The following STK32A variants were observed in gnomAD, a reference collection of about 807,000 sequenced individuals.
The protein encoded by STK32A is serine/threonine kinase 32A, also known as serine/threonine-protein kinase 32A.
In STK32A, 41 loss-of-function variants were observed where a neutral mutation model predicts 53.2. The observed-to-expected ratio is 0.77, with a 90% CI of 0.60 to 1.00. The LOEUF is 1.00. STK32A is among the 50% of genes least tolerant of loss of function. The pLI is 0.00. For synonymous variants in STK32A, 166 were observed against 162.8 expected (o/e 1.02, Z -0.15); for missense variants, 458 against 485.8 (o/e 0.94, Z 0.54).
At chr5:147,399,276 T>C in the STK32A span, 6 of 1,609,880 alleles carry the variant, frequency 3.7e-6, no homozygotes, top group East Asian at 4.5e-5. Flanking sequence ...AGAAATTATA[T>C]CTATATCTAT....
intron 11 of STK32A, among the ~76,000 whole-genome samples, chr5:147,376,443 TG>T (rs1319826676): frequency 1.3e-5 from 2 of 152,168 alleles, no homozygotes; most frequent in African/African-American, 4.8e-5. Flanking sequence ...TGGCTCAAGG[TG>T]GATACAGGCC....
chr5:147,307,288 T>C (rs757373237), intron 4 of STK32A, among the ~76,000 whole-genome samples: 6 of 152,042 alleles, frequency 3.9e-5, no homozygotes, highest in Non-Finnish European at 8.8e-5. Context: ...TTTATCAATC[T>C]TTTTCTTTAT....
intron 4 of STK32A, among the ~76,000 whole-genome samples, chr5:147,303,272 A>G (rs1753230159): frequency 6.6e-6 from 1 of 152,188 alleles, no homozygotes; most frequent in Admixed American, 6.5e-5. Flanking sequence ...ATGATTCTGT[A>G]GATTGGCCAG....
chr5:147,335,707 A>G (rs1271319213), intron 5 of STK32A, among the ~76,000 whole-genome samples: 6 of 152,180 alleles, frequency 3.9e-5, no homozygotes, highest in Non-Finnish European at 7.3e-5. Flanking sequence ...GATAACTCCT[A>G]CTTAGGCCTG....
At chr5:147,263,230 G>A (rs1368595985) in intron 2 of STK32A, among the ~76,000 whole-genome samples, 3 of 152,152 alleles carry the variant, frequency 2.0e-5, no homozygotes, top group Non-Finnish European at 4.4e-5. Flanking sequence ...TGGAGATTTT[G>A]ACCAATCCAA....
intron 4 of STK32A, among the ~76,000 whole-genome samples, chr5:147,280,972 C>T (rs761132288): frequency 9.9e-5 from 15 of 152,156 alleles, no homozygotes; most frequent in East Asian, 5.8e-4. Flanking sequence ...TCTGTGCAGA[C>T]GACTTCCAGT....
chr5:147,279,245 A>C lies in STK32A; in HGVS notation c.109-2A>C. The C allele has an allele frequency of 1.9e-6, 3 of 1,606,114 alleles. No homozygotes were observed. Among genetic ancestry groups the C allele is most frequent in the Non-Finnish European group, 2.6e-6 (3 of 1,174,654 alleles). On this transcript the variant is annotated splice_acceptor_variant, in intron 3 of 12. Transcript: ENST00000397936. LOFTEE classifies it high-confidence loss of function. ...CTCTCTCACTCGGGTTTTCACCATT[A>C]GGTCTGCATTGTACAGAAGAATGAT...
chr5:147,387,279 T>G lies in STK32A; in HGVS notation c.*3296T>G, dbSNP rs926377533. Reference sequence around the variant, plus strand: ...TCTGCTAATGGCTAACCCACTGCCATGGTGGCACTGGTTTTGCCTGAGGTC... The same window carrying G: ...TCTGCTAATGGCTAACCCACTGCCAGGGTGGCACTGGTTTTGCCTGAGGTC... On this transcript the variant is annotated 3_prime_UTR_variant, in exon 13 of 13. Transcript: ENST00000397936. The G allele has an allele frequency of 6.6e-6, 1 of 152,270 alleles. No homozygotes were observed. The highest frequency in any genetic ancestry group is 1.5e-5 in the Non-Finnish European group (1 of 68,060). 9.4% of individuals were successfully genotyped at this position (152,270 alleles called of 1,614,324 possible).
At chr5:147,334,806 A>G (rs1468247609) in intron 5 of STK32A, among the ~76,000 whole-genome samples, 2 of 152,130 alleles carry the variant, frequency 1.3e-5, no homozygotes, top group East Asian at 3.9e-4. Flanking sequence ...ACACTTCCTA[A>G]TTATTCTTTC....
chr5:147,253,287 TG>T (rs1471691147), intron 2 of STK32A, among the ~76,000 whole-genome samples: 2 of 152,152 alleles, frequency 1.3e-5, no homozygotes, highest in African/African-American at 4.8e-5. Context: ...CCTTTGATCC[TG>T]AAAAAAAATT....
chr5:147,277,675 C>T (rs1751829337), intron 2 of STK32A, among the ~76,000 whole-genome samples: 2 of 152,152 alleles, frequency 1.3e-5, no homozygotes, highest in Non-Finnish European at 2.9e-5. Context: ...ATAGGATGCA[C>T]CTGGGAGCAG....
intron 4 of STK32A, among the ~76,000 whole-genome samples, 166 bp downstream of exon 4, chr5:147,279,564 A>G (rs1751950818): frequency 1.3e-5 from 2 of 152,188 alleles, no homozygotes; most frequent in South Asian, 4.1e-4. Flanking sequence ...AAGTACAGAG[A>G]TTTATTGCAA....
intron 8 of STK32A, among the ~76,000 whole-genome samples, chr5:147,370,219 G>C (rs1045323990): frequency 1.3e-5 from 2 of 151,978 alleles, no homozygotes; most frequent in Non-Finnish European, 2.9e-5. Context: ...GCAGTGAAAG[G>C]GATGGTATGG....
intron 4 of STK32A, among the ~76,000 whole-genome samples, chr5:147,293,540 G>C (rs1581050762): frequency 1.6e-5 from 1 of 63,758 alleles, no homozygotes; most frequent in Non-Finnish European, 3.7e-5. Flanking sequence ...ATTTTGGAAA[G>C]TTTGTCAAAT....
chr5:147,275,907 AGGTG>A (rs908041398), intron 2 of STK32A, among the ~76,000 whole-genome samples: 1 of 152,172 alleles, frequency 6.6e-6, no homozygotes, highest in African/African-American at 2.4e-5. Flanking sequence ...ATATGAAAGG[AGGTG>A]GTTCACAAAA....
chr5:147,310,110 T>C (rs1399448007), intron 4 of STK32A, among the ~76,000 whole-genome samples: 1 of 152,212 alleles, frequency 6.6e-6, no homozygotes, highest in Non-Finnish European at 1.5e-5. Flanking sequence ...GTATTATTCC[T>C]GCGTTCCTGG....
chr5:147,397,750 C>T, the STK32A span: 1 of 1,614,176 alleles, frequency 6.2e-7, no homozygotes, highest in Non-Finnish European at 8.5e-7. Flanking sequence ...GGGTCACGTG[C>T]AGGTTGCCAT....
downstream of STK32A, among the ~76,000 whole-genome samples, chr5:147,389,217 G>A (rs928553140): frequency 8.5e-5 from 13 of 152,200 alleles, no homozygotes; most frequent in South Asian, 6.2e-4. Flanking sequence ...CTCCCCACCC[G>A]TCCCAACTTC....
intron 5 of STK32A, among the ~76,000 whole-genome samples, chr5:147,332,541 A>T (rs1754922660): frequency 6.6e-6 from 1 of 152,110 alleles, no homozygotes; most frequent in African/African-American, 2.4e-5. Flanking sequence ...CAGTGTATTG[A>T]TAAAAGTTTC....
Sources: gnomAD v4.1 joint callset for allele counts (sites outside exome capture counted in the v4.1 genomes callset) on GRCh38, gnomAD v4.1.1 for gene constraint, MANE v1.5 for transcripts, NCBI Gene and HGNC (gene_info 2026-07-23, HGNC 2026-07-21) for gene names.